Variants in QDPR observed in about 807,000 individuals in gnomAD.
QDPR encodes the protein dihydropteridine reductase.
In QDPR, 23 loss-of-function variants were observed where a neutral mutation model predicts 31.7. The observed-to-expected ratio is 0.73, with a 90% CI of 0.52 to 1.03. QDPR has a LOEUF of 1.03. QDPR is among the 50% of genes least tolerant of loss of function. The probability of loss-of-function intolerance (pLI) is 0.00; values close to 1 mark genes in which losing one functional copy is unlikely to be tolerated. For synonymous variants in QDPR, 124 were observed against 124.7 expected, an observed-to-expected ratio of 0.99 and a Z score of 0.03; for missense variants, 324 against 323.8, an observed-to-expected ratio of 1.00 and a Z score of 0.00.
At chr4:17,499,517 T>C (rs572238591) in intron 4 of QDPR, among the ~76,000 whole-genome samples, 18 of 152,324 alleles carry the variant, frequency 1.2e-4, no homozygotes, top group Admixed American at 1.2e-3. Flanking sequence ...CTTTAATGAT[T>C]GCTATAGCCA....
intron 1 of QDPR, 91 bp downstream of exon 1, chr4:17,511,859 C>G: frequency 7.2e-7 from 1 of 1,386,198 alleles, no homozygotes; most frequent in Non-Finnish European, 9.8e-7. Flanking sequence ...CAGGGGCCCC[C>G]ACCTTCCTCT....
chr4:17,502,175 T>C (rs1718588560), intron 3 of QDPR, among the ~76,000 whole-genome samples: 1 of 152,216 alleles, frequency 6.6e-6, no homozygotes, highest in South Asian at 2.1e-4. Context: ...ATTTTATGAA[T>C]GGTATCAGAT....
At position 17,492,240 on chromosome 4, in the gene QDPR, A is replaced by G. The variant is rs1402908751; in HGVS notation, c.537T>C (p.Ala179=). The change falls in exon 5 of 7, where the codon GCT becomes GCC. Residue 179 remains alanine (A), a synonymous_variant. Coordinates refer to ENST00000281243, the MANE Select transcript of QDPR (RefSeq NM_000320.3). ...GAACCCCAAGCACTTACGGGAGCAC[A>G]GCGATGGCGGCTGCCCCGGGCGGCA... ...SGMPPGAAAI[A]VLPVTLDTPM... 1 of 1,613,874 alleles carries G rather than the reference A, an allele frequency of 6.2e-7. No individual in the cohort carries two copies. The highest frequency in any genetic ancestry group is 1.3e-5 in the African/African-American group (1 of 75,070).
intron 1 of QDPR, 102 bp downstream of exon 1, chr4:17,511,848 A>C: frequency 8.2e-7 from 1 of 1,221,564 alleles, no homozygotes; most frequent in Non-Finnish European, 1.2e-6. Context: ...CAGGGGGTGC[A>C]CAGGGGCCCC....
chr4:17,511,769 G>C (rs1719017835), intron 1 of QDPR, among the ~76,000 whole-genome samples, 181 bp downstream of exon 1: 1 of 152,214 alleles, frequency 6.6e-6, no homozygotes, highest in Non-Finnish European at 1.5e-5. Flanking sequence ...CCTGGGACTG[G>C]CGTGCGCACG....
chr4:17,494,115 A>C (rs977443234), intron 4 of QDPR, among the ~76,000 whole-genome samples: 2 of 152,140 alleles, frequency 1.3e-5, no homozygotes, highest in Non-Finnish European at 2.9e-5. Context: ...AAACCTTGGA[A>C]TCCTCAGTTT....
chr4:17,509,035 G>C (rs570712548), intron 2 of QDPR, among the ~76,000 whole-genome samples: 1 of 152,220 alleles, frequency 6.6e-6, no homozygotes, highest in East Asian at 1.9e-4. Flanking sequence ...GCAGGCACCT[G>C]TAATCCCAGC....
At chr4:17,500,110 C>T (rs924226774) in intron 4 of QDPR, among the ~76,000 whole-genome samples, 3 of 152,072 alleles carry the variant, frequency 2.0e-5, no homozygotes, top group African/African-American at 7.2e-5. Flanking sequence ...CAGCCACCAT[C>T]ACGCCTGGCT....
At chr4:17,502,001 A>T (rs1360041049) in intron 3 of QDPR, 142 bp from the exon 4 acceptor site, 1 of 986,474 alleles carries the variant, frequency 1.0e-6, no homozygotes, top group Non-Finnish European at 1.5e-6. Flanking sequence ...CACAAACAGC[A>T]CAGGGCTCAG....
chr4:17,496,442 C>CCAAAAA (rs1718356707), intron 4 of QDPR, among the ~76,000 whole-genome samples: 1 of 64,608 alleles, frequency 1.5e-5, no homozygotes, highest in Non-Finnish European at 2.8e-5. Flanking sequence ...AAAACTGTCT[C>CCAAAAA]AAAAAAAAAA....
rs760199891 is a variant in QDPR at position 17,511,939 on chromosome 4, C to T, written c.105+11G>A. 6.2e-7 allele frequency: 1 copy of T among 1,608,992 alleles called. No individual in the cohort carries two copies. Among genetic ancestry groups the T allele is most frequent in the Non-Finnish European group, 8.5e-7 (1 of 1,178,230 alleles). ...CCGCGGAGACCCAGCAGCCCCAGCC[C>T]GCAGCATTACCCAGTTGCGGGCCCG... On this transcript the variant is annotated intron_variant, in intron 1 of 6. Coordinates refer to ENST00000281243, the MANE Select transcript of QDPR (RefSeq NM_000320.3).
chr4:17,498,568 G>C (rs1226374780), intron 4 of QDPR, among the ~76,000 whole-genome samples: 1 of 152,006 alleles, frequency 6.6e-6, no homozygotes, highest in Non-Finnish European at 1.5e-5. Flanking sequence ...CTTTCCTTGG[G>C]GACACAAAAG....
chr4:17,508,177 C>T (rs988922203), intron 2 of QDPR, among the ~76,000 whole-genome samples: 2 of 152,164 alleles, frequency 1.3e-5, no homozygotes, highest in African/African-American at 4.8e-5. Context: ...TGGCTCATTC[C>T]TATAATCCCA....
intron 4 of QDPR, among the ~76,000 whole-genome samples, chr4:17,497,434 C>T (rs992471887): frequency 6.6e-6 from 1 of 152,098 alleles, no homozygotes; most frequent in Non-Finnish European, 1.5e-5. Context: ...GAGCACTCCG[C>T]TTAGACCGTA....
At chr4:17,511,890 C>A in intron 1 of QDPR, 60 bp downstream of exon 1, 1 of 1,557,720 alleles carries the variant, frequency 6.4e-7, no homozygotes, top group Non-Finnish European at 8.7e-7. Flanking sequence ...CCGCCGGGTT[C>A]CACACGAAAG....
Position 17,496,442 on chromosome 4 carries a change from C to CAAAAAAAAAAAAAAAAA in QDPR, c.437-4119_437-4103dup, listed in dbSNP as rs747311750. 9.3e-4 allele frequency among the ~76,000 whole-genome samples: 60 copies of CAAAAAAAAAAAAAAAAA among 64,616 alleles called. 3 individuals carry two copies. Among genetic ancestry groups the CAAAAAAAAAAAAAAAAA allele is most frequent in the Non-Finnish European group, 1.3e-3 (46 of 35,378 alleles). 42.4% of individuals were successfully genotyped at this position (64,616 alleles called of 152,430 possible). ...CTGGGCAATAAGGGCAAAACTGTCT[C>CAAAAAAAAAAAAAAAAA]AAAAAAAAAAAAAAAAAAAAAAAAA... On this transcript the variant is annotated intron_variant, in intron 4 of 6. Transcript: ENST00000281243.
At chr4:17,505,110 T>C (rs1387617162) in intron 2 of QDPR, among the ~76,000 whole-genome samples, 1 of 152,190 alleles carries the variant, frequency 6.6e-6, no homozygotes, top group Non-Finnish European at 1.5e-5. Context: ...TGCCCTCTTG[T>C]TATAATTTAT....
rs1718914040 is a variant in QDPR at position 17,509,353 on chromosome 4, C to T, written c.116G>A (p.Ser39Asn). 13 of 1,613,652 alleles carry T rather than the reference C, an allele frequency of 8.1e-6. No homozygotes were observed. The highest frequency in any genetic ancestry group is 4.5e-5 in the East Asian group (2 of 44,870). ...CTCTTCATTCTCCACCACATCAACGCTGGCAACCCACTGGAAGGAGAAAAC... is the reference window on the plus strand; with the variant it reads ...CTCTTCATTCTCCACCACATCAACGTTGGCAACCCACTGGAAGGAGAAAAC... ...AFRARNWWVASVDVVENEEAS... is the reference protein window; with the variant it reads ...AFRARNWWVANVDVVENEEAS... Residue 39 changes from serine to asparagine, a missense_variant, in exon 2 of 7, where the codon AGC (serine) becomes AAC (asparagine). Physicochemically the swap from Ser to Asn is conservative, Grantham distance 46. Coordinates refer to ENST00000281243, the MANE Select transcript of QDPR (RefSeq NM_000320.3).
intron 4 of QDPR, among the ~76,000 whole-genome samples, chr4:17,498,731 G>A (rs993705342): frequency 7.2e-5 from 11 of 152,320 alleles, no homozygotes; most frequent in South Asian, 2.1e-4. Context: ...TTTTAATACT[G>A]TTTGTCCTAC....
Sources: gnomAD v4.1 joint callset for allele counts (sites outside exome capture counted in the v4.1 genomes callset) on GRCh38, gnomAD v4.1.1 for gene constraint, MANE v1.5 for transcripts, NCBI Gene and HGNC (gene_info 2026-07-23, HGNC 2026-07-21) for gene names.